Variants in SPAG16 observed in about 807,000 individuals in gnomAD.
The protein encoded by SPAG16 is sperm associated antigen 16.
SPAG16 carries 86 observed loss-of-function variants against 80.4 expected under a neutral mutation model. That is an observed-to-expected ratio of 1.07 (90% CI 0.90 to 1.28). SPAG16 has a LOEUF of 1.28. Ranked by LOEUF, SPAG16 falls within the 50% of genes most tolerant of loss-of-function variation. SPAG16 has a pLI of 0.00. For missense variants in SPAG16, 870 were observed against 765.3 expected, an observed-to-expected ratio of 1.14 and a Z score of -1.61; for synonymous variants, 294 against 265.9, an observed-to-expected ratio of 1.11 and a Z score of -1.03.
rs34923875 is a variant in SPAG16, at chr2:214,318,373, CTTTT to C, written c.1721-91744_1721-91741del. Among the ~76,000 whole-genome samples, 10 of 69,832 alleles carry C rather than the reference CTTTT, an allele frequency of 1.4e-4. No individual in the cohort carries two copies. In the East Asian group the frequency reaches 3.4e-3, roughly 24 times the overall value. The allele number at this position is 69,832 out of a possible 152,430, so 45.8% of individuals were successfully genotyped here. A position where few individuals can be genotyped will look rare whatever the true frequency, so the allele number is the denominator to read the frequency against. On this transcript the variant is annotated intron_variant, in intron 15 of 15. Transcript: ENST00000331683. Reference sequence around the variant, plus strand: ...TTGAATAAAAGAGTGAGAGTGAATTCTTTTTTTTTTTTTTTTTTTTTTTTTTGAG... The same window carrying C: ...TTGAATAAAAGAGTGAGAGTGAATTCTTTTTTTTTTTTTTTTTTTTTTGAG...
intron 11 of SPAG16, among the ~76,000 whole-genome samples, chr2:213,920,253 C>T (rs2078152916): frequency 6.6e-6 from 1 of 152,104 alleles, no homozygotes; most frequent in South Asian, 2.1e-4. Flanking sequence ...CACTCTGTGC[C>T]TTTTAATTAG....
chr2:214,352,558 C>CTCTGTGTGTGTGTGTGTG (rs796885924), intron 15 of SPAG16, among the ~76,000 whole-genome samples: 2,660 of 142,532 alleles, frequency 0.019, 36 homozygotes, highest in Middle Eastern at 0.041. Flanking sequence ...CTTTTTTTCT[C>CTCTGTGTGTGTGTGTGTG]TGTGTGTGTG....
chr2:213,381,207 T>C (rs922710006), intron 9 of SPAG16, among the ~76,000 whole-genome samples: 4 of 152,142 alleles, frequency 2.6e-5, no homozygotes, highest in African/African-American at 9.7e-5. Context: ...CAATTTCTAA[T>C]TATATCTGAA....
chr2:213,913,519 T>C (rs1417245786), intron 11 of SPAG16, among the ~76,000 whole-genome samples: 1 of 151,864 alleles, frequency 6.6e-6, no homozygotes, highest in Non-Finnish European at 1.5e-5. Context: ...TGTGTGTCTG[T>C]ATGTTGATGT....
At chr2:213,474,128 T>C (rs560318727) in intron 9 of SPAG16, among the ~76,000 whole-genome samples, 1 of 152,308 alleles carries the variant, frequency 6.6e-6, no homozygotes, top group African/African-American at 2.4e-5. Flanking sequence ...CATCAGAGTT[T>C]ACAAACTCAG....
chr2:213,593,028 A>G (rs2060758836), intron 10 of SPAG16, among the ~76,000 whole-genome samples: 1 of 151,812 alleles, frequency 6.6e-6, no homozygotes, highest in Non-Finnish European at 1.5e-5. Context: ...AAATTTCTAT[A>G]TTCTTGCTTT....
At chr2:213,730,276 C>T (rs1305820015) in intron 10 of SPAG16, among the ~76,000 whole-genome samples, 1 of 152,078 alleles carries the variant, frequency 6.6e-6, no homozygotes, top group Non-Finnish European at 1.5e-5. Flanking sequence ...TGGTTGATGG[C>T]AAAGTTTATG....
chr2:213,357,291 G>T (rs2065711914), intron 7 of SPAG16, among the ~76,000 whole-genome samples: 1 of 152,150 alleles, frequency 6.6e-6, no homozygotes, highest in African/African-American at 2.4e-5. Flanking sequence ...GAAGAGCTGA[G>T]TTGAAGTCCT....
At chr2:213,512,798 T>C (rs2075277821) in intron 10 of SPAG16, among the ~76,000 whole-genome samples, 1 of 152,144 alleles carries the variant, frequency 6.6e-6, no homozygotes, top group South Asian at 2.1e-4. Context: ...CCTGCGTTTA[T>C]TGGGAACTGG....
At chr2:214,172,620 G>A (rs1221372082) in intron 15 of SPAG16, among the ~76,000 whole-genome samples, 2 of 151,842 alleles carry the variant, frequency 1.3e-5, no homozygotes, top group Non-Finnish European at 2.9e-5. Context: ...ATACCCAGTA[G>A]TGGGATGGCT....
intron 11 of SPAG16, among the ~76,000 whole-genome samples, chr2:213,883,534 T>C (rs2106038870): frequency 6.6e-6 from 1 of 152,304 alleles, no homozygotes; most frequent in South Asian, 2.1e-4. Context: ...TCCATTTGCT[T>C]AAGTGTCAAG....
intron 11 of SPAG16, among the ~76,000 whole-genome samples, chr2:213,904,936 A>G (rs2077376462): frequency 6.6e-6 from 1 of 152,126 alleles, no homozygotes; most frequent in South Asian, 2.1e-4. Context: ...GAAATGAGAA[A>G]CCATTGGAGA....
At chr2:213,404,289 T>A (rs376977258) in intron 9 of SPAG16, among the ~76,000 whole-genome samples, 4 of 152,024 alleles carry the variant, frequency 2.6e-5, no homozygotes, top group Non-Finnish European at 4.4e-5. Flanking sequence ...GAGGCATCAC[T>A]CTACCTGACT....
At chr2:214,236,106 G>A (rs1344934830) in intron 15 of SPAG16, among the ~76,000 whole-genome samples, 1 of 152,114 alleles carries the variant, frequency 6.6e-6, no homozygotes, top group African/African-American at 2.4e-5. Flanking sequence ...CTACCCATCT[G>A]CCAGACTATA....
At chr2:213,448,639 G>A (rs1425871365) in intron 9 of SPAG16, among the ~76,000 whole-genome samples, 2 of 152,194 alleles carry the variant, frequency 1.3e-5, no homozygotes, top group Admixed American at 1.3e-4. Flanking sequence ...GACCCAAATG[G>A]AGGGACGGGC....
intron 13 of SPAG16, among the ~76,000 whole-genome samples, chr2:214,093,545 G>A (rs1340202312): frequency 6.6e-6 from 1 of 151,978 alleles, no homozygotes; most frequent in African/African-American, 2.4e-5. Flanking sequence ...GTCCATGTAT[G>A]TGTATGTATC....
chr2:213,641,693 G>T (rs1429512403), intron 10 of SPAG16, among the ~76,000 whole-genome samples: 2 of 152,178 alleles, frequency 1.3e-5, no homozygotes, highest in African/African-American at 2.4e-5. Context: ...CTTGGTAAGG[G>T]TAAATTATTC....
chr2:214,214,812 T>G (rs1170038673), intron 15 of SPAG16, among the ~76,000 whole-genome samples: 2 of 151,736 alleles, frequency 1.3e-5, no homozygotes, highest in African/African-American at 4.8e-5. Flanking sequence ...CCTTGTCAAT[T>G]TACCAGAAAT....
chr2:213,413,044 A>G (rs1398298966), intron 9 of SPAG16, among the ~76,000 whole-genome samples: 1 of 152,110 alleles, frequency 6.6e-6, no homozygotes, highest in Non-Finnish European at 1.5e-5. Flanking sequence ...ATATTGGGTA[A>G]TGCTGTTAAT....
Sources: gnomAD v4.1 joint callset for allele counts (sites outside exome capture counted in the v4.1 genomes callset) on GRCh38, gnomAD v4.1.1 for gene constraint, MANE v1.5 for transcripts, NCBI Gene and HGNC (gene_info 2026-07-23, HGNC 2026-07-21) for gene names.